Variants in GIT1 observed in about 807,000 individuals in gnomAD.
GIT1 encodes GIT ArfGAP 1, also known as ARF GTPase-activating protein GIT1.
Under a neutral mutation model 91.7 loss-of-function variants are expected in GIT1, and 14 were observed. That is an observed-to-expected ratio of 0.15 (90% CI 0.10 to 0.24). GIT1 has a LOEUF of 0.24. GIT1 is among the 10% of genes least tolerant of loss of function. The pLI is 1.00. For synonymous variants in GIT1, 414 were observed against 418.2 expected, an observed-to-expected ratio of 0.99 and a Z score of 0.12; for missense variants, 717 against 1,024.9, an observed-to-expected ratio of 0.70 and a Z score of 4.10.
chr17:29,583,318 G>A (rs2033466750), intron 2 of GIT1, among the ~76,000 whole-genome samples, 165 bp downstream of exon 2: 1 of 152,192 alleles, frequency 6.6e-6, no homozygotes, highest in Non-Finnish European at 1.5e-5. Flanking sequence ...CATGAAGTGA[G>A]TAGATGGGAG....
Position 29,574,628 on chromosome 17 carries a change from A to C in GIT1, c.*74T>G, listed in dbSNP as rs1352275031. 7.4e-6 allele frequency: 9 copies of C among 1,217,088 alleles called. No individual in the cohort carries two copies. Among genetic ancestry groups the C allele is most frequent in the Non-Finnish European group, 1.2e-6 (1 of 825,964 alleles). The allele number at this position is 1,217,088 out of a possible 1,614,324, so 75.4% of individuals were successfully genotyped here. On this transcript the variant is annotated 3_prime_UTR_variant, in exon 20 of 20. Coordinates refer to ENST00000225394, the MANE Select transcript of GIT1 (RefSeq NM_014030.4). ...TGCCAGTGGCTCTGTTGGGGTGGGG[A>C]TTAATGTCTGGAGTGGCCCAGCTCC... is the stretch of plus-strand genomic sequence containing the variant.
Position 29,574,980 on chromosome 17 carries a change from T to C in GIT1, c.2074-66A>G, listed in dbSNP as rs751987502. 4 of 1,490,480 alleles carry C rather than the reference T, an allele frequency of 2.7e-6. No individual in the cohort carries two copies. The African/African-American group carries it at 5.6e-5, about 21-fold the overall frequency. 92.3% of individuals were successfully genotyped at this position (1,490,480 alleles called of 1,614,324 possible). ...CCACCAGCTGAGATCAGGGCCCAGT[T>C]TGTCTGTGTCTCCACCCAGGTAGCG... On this transcript the variant is annotated intron_variant, in intron 19 of 19. Coordinates refer to ENST00000225394, the MANE Select transcript of GIT1 (RefSeq NM_014030.4).
In GIT1 at chr17:29,582,730, C is replaced by T. The variant is rs2150847156; in HGVS notation, c.373G>A (p.Asp125Asn). ...AFVHKLPCRD[D>N]DGVTAKDLSK... ...AGGTCTTTGGCGGTGACTCCATCAT[C>T]GTCCCGGCAGGGAAGCTTGTGCACA... is the stretch of plus-strand genomic sequence containing the variant. The change falls in exon 4 of 20, where the codon GAT becomes AAT. Residue 125 changes from aspartate (D) to asparagine (N), a missense_variant. Physicochemically the swap from Asp to Asn is conservative, Grantham distance 23. This residue lies in a region of GIT1 where 271 missense variants were observed against 451.6 expected (regional missense o/e 0.60). Coordinates refer to ENST00000225394, the MANE Select transcript of GIT1 (RefSeq NM_014030.4). 2 of 1,613,576 alleles carry T rather than the reference C, an allele frequency of 1.2e-6. No individual in the cohort carries two copies. Among genetic ancestry groups the T allele is most frequent in the East Asian group, 2.2e-5 (1 of 44,880 alleles).
Position 29,575,268 on chromosome 17 carries a change from C to A in GIT1, c.2009+20G>T. The A allele has an allele frequency of 6.3e-7, 1 of 1,599,400 alleles. No individual in the cohort carries two copies. The highest frequency in any genetic ancestry group is 8.5e-7 in the Non-Finnish European group (1 of 1,171,026). On this transcript the variant is annotated intron_variant, in intron 18 of 19. Transcript: ENST00000225394. The surrounding 1 kb of genome is among the most constrained non-coding windows in gnomAD (Gnocchi z 5.5). ...GCCAACAGGAACTGCATCCCCCTCA[C>A]CTCCCCCTCCACTCAGTACCTGTCA... is the stretch of plus-strand genomic sequence containing the variant.
chr17:29,583,645 G>A, intron 1 of GIT1, 29 bp from the exon 2 acceptor site: 1 of 1,551,332 alleles, frequency 6.4e-7, no homozygotes, highest in Non-Finnish European at 8.7e-7. Context: ...GGGTCAGCCG[G>A]AGCCAGATGA....
In GIT1 at chr17:29,582,136, G is replaced by C; in HGVS notation, c.414C>G (p.His138Gln). ...CCAGGTTGCCTGTCCGCACGCTCGA[G>C]TGTAGTTGCTAAGAGGAGCAGAGTG... ...VTAKDLSKQL[H>Q]SSVRTGNLET... Residue 138 changes from histidine (H) to glutamine (Q), a missense_variant, in exon 5 of 20, where the codon CAC becomes CAG. His to Gln is a conservative substitution (Grantham distance 24, BLOSUM62 0). Around this residue, in one of 3 missense-constraint regions of GIT1, gnomAD observed 271 missense variants for 451.6 expected, o/e 0.60. Transcript: ENST00000225394. 1.3e-6 allele frequency: 2 copies of C among 1,571,718 alleles called. No individual in the cohort carries two copies. Among genetic ancestry groups the C allele is most frequent in the Non-Finnish European group, 1.7e-6 (2 of 1,166,392 alleles).
Position 29,578,933 on chromosome 17 carries a change from G to C in GIT1, c.762-154C>G, listed in dbSNP as rs747826318. Reference sequence around the variant, plus strand: ...GCCTCCCCGCCCTACCCCACCTTCAGGCCTGCTGCCCCGGCAGGCACCATA... The same window carrying C: ...GCCTCCCCGCCCTACCCCACCTTCACGCCTGCTGCCCCGGCAGGCACCATA... On this transcript the variant is annotated intron_variant, in intron 7 of 19. Coordinates refer to ENST00000225394, the MANE Select transcript of GIT1 (RefSeq NM_014030.4). The C allele has an allele frequency of 2.3e-5, 37 of 1,611,228 alleles. No homozygotes were observed. The Middle Eastern group carries it at 6.6e-4, about 29-fold the overall frequency.
At position 29,581,636 on chromosome 17, in the gene GIT1, C is replaced by A; in HGVS notation, c.718+106G>T. The A allele has an allele frequency of 1.2e-6, 1 of 862,894 alleles. No individual in the cohort carries two copies. Among genetic ancestry groups the A allele is most frequent in the South Asian group, 1.4e-5 (1 of 69,228 alleles). The allele number at this position is 862,894 out of a possible 1,614,324, so 53.5% of individuals were successfully genotyped here. On this transcript the variant is annotated intron_variant, in intron 6 of 19. Transcript: ENST00000225394. The surrounding 1 kb of genome is among the most constrained non-coding windows in gnomAD (Gnocchi z 4.8). ...GCCAGTTGCCTAGCAACATTGCTCCCCAGCCGCTCTGTCACCATGGCACCT... is the reference window on the plus strand; with the variant it reads ...GCCAGTTGCCTAGCAACATTGCTCCACAGCCGCTCTGTCACCATGGCACCT...
chr17:29,576,072 G>C lies in GIT1; in HGVS notation c.1665+6C>G. On this transcript the variant is annotated splice_donor_region_variant and intron_variant, in intron 15 of 19. Coordinates refer to ENST00000225394, the MANE Select transcript of GIT1 (RefSeq NM_014030.4). ...GCTAAGATGGACACGCCTTCCCCAGGCTTACCCGGTAAAGGCCAGCAGGGA... is the reference window on the plus strand; with the variant it reads ...GCTAAGATGGACACGCCTTCCCCAGCCTTACCCGGTAAAGGCCAGCAGGGA... The C allele has an allele frequency of 6.2e-7, 1 of 1,613,504 alleles. No homozygotes were observed. The highest frequency in any genetic ancestry group is 8.5e-7 in the Non-Finnish European group (1 of 1,179,722).
chr17:29,582,258 C>T, intron 4 of GIT1, 114 bp from the exon 5 acceptor site: 1 of 729,778 alleles, frequency 1.4e-6, no homozygotes. Context: ...GAGGCCTGCC[C>T]AAACCAGACT....
At position 29,589,072 on chromosome 17, in the gene GIT1, G is replaced by C. The variant is rs1357731009; in HGVS notation, c.52+255C>G. Among the ~76,000 whole-genome samples, 1 of 152,184 alleles carries C rather than the reference G, an allele frequency of 6.6e-6. No homozygotes were observed. Among genetic ancestry groups the C allele is most frequent in the Non-Finnish European group, 1.5e-5 (1 of 68,014 alleles). On this transcript the variant is annotated intron_variant, in intron 1 of 19. Coordinates refer to ENST00000225394, the MANE Select transcript of GIT1 (RefSeq NM_014030.4). This position sits in a 1 kb window ranked among gnomAD's most constrained non-coding sequence, Gnocchi z 5.2. ...AGCAGCCAGCTGCCCGCCTCCCTCA[G>C]ACCGAGGAGCGGGAGGCGGCGCCGG...
intron 1 of GIT1, among the ~76,000 whole-genome samples, chr17:29,586,547 T>C (rs1567777824): frequency 6.6e-6 from 1 of 152,062 alleles, no homozygotes; most frequent in African/African-American, 2.4e-5. Context: ...TCTACCTCCA[T>C]AAGGGAGGAA....
chr17:29,574,812 C>T lies in GIT1; in HGVS notation c.2176G>A (p.Ala726Thr), dbSNP rs775115811. Residue 726 changes from alanine to threonine, a missense_variant, in exon 20 of 20, where the codon GCC becomes ACC. Around this residue, in one of 3 missense-constraint regions of GIT1, gnomAD observed 134 missense variants for 223.8 expected, o/e 0.60. Coordinates refer to ENST00000225394, the MANE Select transcript of GIT1 (RefSeq NM_014030.4). ...GTCAGCAGCTGGAAGTCCACTGGGGCGCCGGGCTCTGGGGGCACTGTCTTC... is the reference window on the plus strand; with the variant it reads ...GTCAGCAGCTGGAAGTCCACTGGGGTGCCGGGCTCTGGGGGCACTGTCTTC... ...CRKTVPPEPG[A>T]PVDFQLLTQQ... is the part of the protein sequence containing the mutation. 11 of 1,611,584 alleles carry T rather than the reference C, an allele frequency of 6.8e-6. No individual in the cohort carries two copies. Among genetic ancestry groups the T allele is most frequent in the Admixed American group, 5.0e-5 (3 of 59,938 alleles).
chr17:29,576,136 G>A lies in GIT1; in HGVS notation c.1612-5C>T. On this transcript the variant is annotated splice_region_variant and splice_polypyrimidine_tract_variant and intron_variant, in intron 14 of 19. Coordinates refer to ENST00000225394, the MANE Select transcript of GIT1 (RefSeq NM_014030.4). ...GATGGCGTCGTCCTCTAGCTCCTGG[G>A]GATGTTAGCACAGCGAGCGTCATGG... 1 of 1,613,702 alleles carries A rather than the reference G, an allele frequency of 6.2e-7. No individual in the cohort carries two copies. Among genetic ancestry groups the A allele is most frequent in the Non-Finnish European group, 8.5e-7 (1 of 1,179,908 alleles).
In GIT1 at chr17:29,575,372, G is replaced by C; in HGVS notation, c.1925C>G (p.Thr642Arg). The C allele has an allele frequency of 6.2e-7, 1 of 1,613,590 alleles. No individual in the cohort carries two copies. The highest frequency in any genetic ancestry group is 2.2e-5 in the East Asian group (1 of 44,864). Residue 642 changes from threonine (T) to arginine (R), a missense_variant, in exon 18 of 20, where the codon ACA (threonine) becomes AGA (arginine). Physicochemically the swap from Thr to Arg is moderately conservative, Grantham distance 71. Coordinates refer to ENST00000225394, the MANE Select transcript of GIT1 (RefSeq NM_014030.4). This position sits in a 1 kb window ranked among gnomAD's most constrained non-coding sequence, Gnocchi z 5.5. ...DGDLDPGLPS[T>R]EDVILKTEQV... ...CTCTGTCTTCAAGATGACATCCTCT[G>C]TGCTGGGAAGCCCAGGATCTAGGTC...
chr17:29,582,941 G>T lies in GIT1; in HGVS notation c.283C>A (p.Pro95Thr). 1 of 1,610,484 alleles carries T rather than the reference G, an allele frequency of 6.2e-7. No individual in the cohort carries two copies. The highest frequency in any genetic ancestry group is 1.1e-5 in the South Asian group (1 of 91,036). Residue 95 changes from proline to threonine, a missense_variant, in exon 3 of 20, where the codon CCC (proline) becomes ACC (threonine). Around this residue, in one of 3 missense-constraint regions of GIT1, gnomAD observed 271 missense variants for 451.6 expected, o/e 0.60. Transcript: ENST00000225394. Reference protein sequence around the residue: ...QVQSGRRKANPQDKVHPIKSE... With the variant: ...QVQSGRRKANTQDKVHPIKSE... ...CCCACTCACTGGACTTTGTCTTGGG[G>T]GTTGGCTTTACGCCGGCCGCTCTGC...
chr17:29,578,187 C>T lies in GIT1; in HGVS notation c.883+112G>A. The T allele has an allele frequency of 2.3e-6, 2 of 873,934 alleles. 1 individual carries two copies. Among genetic ancestry groups the T allele is most frequent in the Admixed American group, 3.6e-5 (2 of 55,868 alleles). 54.1% of individuals were successfully genotyped at this position (873,934 alleles called of 1,614,324 possible). The stretch of plus-strand genomic sequence containing the variant: ...CAGCCAGCAGGGGCTCATCTGCAGG[C>T]CTCTGAGCAGCCCCAACCCCAGGCA... On this transcript the variant is annotated intron_variant, in intron 9 of 19. Coordinates refer to ENST00000225394, the MANE Select transcript of GIT1 (RefSeq NM_014030.4).
In GIT1 at chr17:29,576,378, T is replaced by C. The variant is rs200962041; in HGVS notation, c.1453A>G (p.Ser485Gly). Residue 485 changes from serine (S) to glycine (G), a missense_variant, in exon 14 of 20, where the codon AGT (serine) becomes GGT (glycine). This residue lies in a region of GIT1 where 312 missense variants were observed against 349.5 expected (regional missense o/e 0.89). Transcript: ENST00000225394. ...ATGGGTGTGTGTTCCGCCCGTTCAC[T>C]GGGGAGTGGAGGTGTGGGCACCGGC... ...PGPVPTPPLP[S>G]ERAEHTPMAP... The C allele has an allele frequency of 6.2e-7, 1 of 1,613,510 alleles. No homozygotes were observed. The highest frequency in any genetic ancestry group is 1.3e-5 in the African/African-American group (1 of 75,050).
intron 1 of GIT1, among the ~76,000 whole-genome samples, chr17:29,586,883 C>G (rs1432196134): frequency 1.3e-5 from 2 of 152,188 alleles, no homozygotes; most frequent in Admixed American, 1.3e-4. Context: ...CGGTGCCTGA[C>G]GAGGTGGCAC....
Sources: gnomAD v4.1 joint callset for allele counts (sites outside exome capture counted in the v4.1 genomes callset) on GRCh38, gnomAD v4.1.1 for gene constraint, gnomAD v4.1.1 regional missense constraint, Gnocchi (gnomAD v3.1) non-coding constraint, MANE v1.5 for transcripts, NCBI Gene and HGNC (gene_info 2026-07-23, HGNC 2026-07-21) for gene names.